Variants in LYZL6 observed in about 807,000 individuals in gnomAD.
LYZL6 encodes lysozyme-like protein 6.
Under a neutral mutation model 15.0 loss-of-function variants are expected in LYZL6, and 21 were observed. The observed-to-expected ratio is 1.40, with a 90% confidence interval of 1.00 to 2.02. The LOEUF is 2.02. LYZL6 is among the 30% of genes most tolerant of loss of function. The probability of loss-of-function intolerance (pLI) is 0.00; values close to 1 mark genes in which losing one functional copy is unlikely to be tolerated. For missense variants in LYZL6, 173 were observed against 180.5 expected, an observed-to-expected ratio of 0.96 and a Z score of 0.24; for synonymous variants, 72 against 67.8, an observed-to-expected ratio of 1.06 and a Z score of -0.31.
In LYZL6 at chr17:35,935,789, G is replaced by A. The variant is rs141179087; in HGVS notation, c.378-924C>T. On this transcript the variant is annotated intron_variant, in intron 4 of 4. Coordinates refer to ENST00000615905, the MANE Select transcript of LYZL6 (RefSeq NM_020426.4). ...AGCCTCCCAAAGGGCTGGGATTACA[G>A]GAGTGAGCCACTGCGCCCAGCCGCC... Among the ~76,000 whole-genome samples the A allele has an allele frequency of 9.7e-4, 147 of 151,236 alleles. 4 individuals are homozygous for A. In the East Asian group the frequency reaches 0.023, roughly 24 times the overall value.
At chr17:35,934,966 ATCCCCG>A in intron 4 of LYZL6, 101 bp from the exon 5 acceptor site, 1 of 1,054,508 alleles carries the variant, frequency 9.5e-7, no homozygotes, top group Non-Finnish European at 1.4e-6. Flanking sequence ...AACGCCCAGA[ATCCCCG>A]TCATTGCTAG....
At position 35,934,567 on chromosome 17, in the gene LYZL6, T is replaced by G; in HGVS notation, c.*229A>C. 1.9e-6 allele frequency: 1 copy of G among 539,120 alleles called. No homozygotes were observed. Among genetic ancestry groups the G allele is most frequent in the Admixed American group, 3.3e-5 (1 of 30,284 alleles). The allele number at this position is 539,120 out of a possible 1,614,324, so 33.4% of individuals were successfully genotyped here. A position where few individuals can be genotyped will look rare whatever the true frequency, so the allele number is the denominator to read the frequency against. The stretch of plus-strand genomic sequence containing the variant: ...TTCGATAAATATAAAGATTTCTTTA[T>G]TGTGGTCCTCAGTTTACAAATAACA... On this transcript the variant is annotated 3_prime_UTR_variant, in exon 5 of 5. Transcript: ENST00000615905.
intron 3 of LYZL6, among the ~76,000 whole-genome samples, chr17:35,937,036 A>G (rs1481467995): frequency 6.6e-6 from 1 of 152,218 alleles, no homozygotes; most frequent in Admixed American, 6.5e-5. Context: ...AGAAGGGGCA[A>G]GAGGCCTGAG....
chr17:35,939,353 T>A lies in LYZL6; in HGVS notation c.4A>T (p.Thr2Ser), dbSNP rs748028291. The A allele has an allele frequency of 7.4e-6, 12 of 1,614,070 alleles. No homozygotes were observed. The highest frequency in any genetic ancestry group is 1.0e-5 in the Non-Finnish European group (12 of 1,179,950). The change falls in exon 2 of 5, where the codon ACA (threonine) becomes TCA (serine). Residue 2 changes from threonine to serine, a missense_variant. Coordinates refer to ENST00000615905, the MANE Select transcript of LYZL6 (RefSeq NM_020426.4). ...ACCAAATAGATGAGTAGCGCCTTTG[T>A]CATCCTTGGAGGGGAGGAGGTGCAG... MTKALLIYLVSS... is the reference protein window; with the variant it reads MSKALLIYLVSS...
intron 4 of LYZL6, among the ~76,000 whole-genome samples, 193 bp from the exon 5 acceptor site, chr17:35,935,058 C>T (rs2089359406): frequency 6.6e-6 from 1 of 152,076 alleles, no homozygotes; most frequent in Non-Finnish European, 1.5e-5. Context: ...TGTTTGCCTG[C>T]TTCCCTGGAT....
In LYZL6 at chr17:35,937,756, A is replaced by G. The variant is rs766101219; in HGVS notation, c.298+2T>C. ...TCTCCCACCCTGGGGCCCTGGCCAG[A>G]CCTTGACAGTCTACGTGGCAAAGGT... On this transcript the variant is annotated splice_donor_variant, in intron 3 of 4. Coordinates refer to ENST00000615905, the MANE Select transcript of LYZL6 (RefSeq NM_020426.4). LOFTEE classifies it high-confidence loss of function. 1 of 1,613,828 alleles carries G rather than the reference A, an allele frequency of 6.2e-7. No homozygotes were observed. Among genetic ancestry groups the G allele is most frequent in the African/African-American group, 1.3e-5 (1 of 74,938 alleles).
At chr17:35,935,552 C>T (rs192175971) in intron 4 of LYZL6, among the ~76,000 whole-genome samples, 416 of 150,336 alleles carry the variant, frequency 2.8e-3, no homozygotes, top group Non-Finnish European at 3.5e-3. Context: ...TGCAGCTTGC[C>T]TTAAGGAGCA....
At chr17:35,934,921 A>C in intron 4 of LYZL6, 56 bp from the exon 5 acceptor site, 1 of 1,546,756 alleles carries the variant, frequency 6.5e-7, no homozygotes. Flanking sequence ...TTCCACACAC[A>C]TGACCCAGTT....
At chr17:35,939,126 GC>G in intron 2 of LYZL6, 91 bp downstream of exon 2, 2 of 1,457,150 alleles carry the variant, frequency 1.4e-6, no homozygotes, top group Non-Finnish European at 9.3e-7. Flanking sequence ...TTTGAACTTG[GC>G]TTTGAAAGAT....
intron 2 of LYZL6, among the ~76,000 whole-genome samples, chr17:35,938,803 G>A (rs2141967495): frequency 6.6e-6 from 1 of 152,238 alleles, no homozygotes; most frequent in Non-Finnish European, 1.5e-5. Context: ...GGGTGACCAG[G>A]TCCTTCATTT....
Position 35,940,028 on chromosome 17 carries a change from C to T in LYZL6, c.-202-470G>A, listed in dbSNP as rs573646559. On this transcript the variant is annotated intron_variant, in intron 1 of 4. Transcript: ENST00000615905. ...CATGACACATGATTTTTCCCAAGGG[C>T]ATACCCTGCCTGGTACAATTCTTGG... 5.9e-5 allele frequency among the ~76,000 whole-genome samples: 9 copies of T among 152,244 alleles called. 1 individual carries two copies. The highest frequency in any genetic ancestry group is 2.2e-4 in the African/African-American group (9 of 41,544).
At chr17:35,936,420 G>GC (rs2089373716) in intron 4 of LYZL6, among the ~76,000 whole-genome samples, 1 of 152,140 alleles carries the variant, frequency 6.6e-6, no homozygotes, top group Admixed American at 6.5e-5. Context: ...GCTGAAACCT[G>GC]CCATGGACAG....
Position 35,934,794 on chromosome 17 carries a change from T to C in LYZL6, c.*2A>G, listed in dbSNP as rs185805198. ...GACTCCACGGTGCACCCGCACCCTG[T>C]TTCATCTCAGGCGGCATCCTGTCAG... On this transcript the variant is annotated 3_prime_UTR_variant, in exon 5 of 5. Transcript: ENST00000615905. 64 of 1,614,120 alleles carry C rather than the reference T, an allele frequency of 4.0e-5. No homozygotes were observed. The East Asian group carries it at 1.4e-3, about 34-fold the overall frequency.
Position 35,937,910 on chromosome 17 carries a change from C to A in LYZL6, c.146G>T (p.Cys49Phe), listed in dbSNP as rs772258529. Residue 49 changes from cysteine (C) to phenylalanine (F), a missense_variant, in exon 3 of 5, where the codon TGC becomes TTC. By Grantham distance (205) the Cys-to-Phe change is radical. Transcript: ENST00000615905. ...GAACTTGCTTTCCACAAAAGCCAGG[C>A]ACAGCCCTTAGAGTAGGGAGAAGAA... Reference protein sequence around the residue: ...FEGYSLSDWLCLAFVESKFNI... With the variant: ...FEGYSLSDWLFLAFVESKFNI... The A allele has an allele frequency of 4.3e-6, 7 of 1,613,450 alleles. No homozygotes were observed. The African/African-American group carries it at 9.3e-5, about 22-fold the overall frequency.
chr17:35,937,328 G>A (rs989190493), intron 3 of LYZL6, among the ~76,000 whole-genome samples: 2 of 152,180 alleles, frequency 1.3e-5, no homozygotes, highest in African/African-American at 4.8e-5. Context: ...AGGGTACTCC[G>A]GAATGGTTAA....
intron 1 of LYZL6, among the ~76,000 whole-genome samples, chr17:35,942,941 A>G (rs1401297144): frequency 2.6e-5 from 4 of 152,164 alleles, no homozygotes; most frequent in Non-Finnish European, 4.4e-5. Context: ...TGTGGTCGGG[A>G]ATGGGGTGAG....
chr17:35,940,889 C>G (rs9903272), intron 1 of LYZL6, among the ~76,000 whole-genome samples: 133,738 of 152,312 alleles, frequency 0.88, 58,816 homozygotes, highest in East Asian at 1. Flanking sequence ...TGTATGAATA[C>G]ACCATACTTC....
chr17:35,936,865 C>G (rs1222072664), intron 3 of LYZL6, 32 bp from the exon 4 acceptor site: 1 of 1,585,190 alleles, frequency 6.3e-7, no homozygotes, highest in Admixed American at 1.7e-5. Context: ...CCTGTGAGGG[C>G]ACAGAAGACA....
chr17:35,934,812 C>G lies in LYZL6; in HGVS notation c.431G>C (p.Gly144Ala). The stretch of plus-strand genomic sequence containing the variant: ...CACCCTGTTTCATCTCAGGCGGCAT[C>G]CTGTCAGCCAGTAGAAGAGTGGCCG... ...SGRPLFYWLT[G>A]CRLR The change falls in exon 5 of 5, where the codon GGA (glycine) becomes GCA (alanine). Residue 144 changes from glycine (G) to alanine (A), a missense_variant. By Grantham distance (60) the Gly-to-Ala change is moderately conservative. Coordinates refer to ENST00000615905, the MANE Select transcript of LYZL6 (RefSeq NM_020426.4). 6.2e-7 allele frequency: 1 copy of G among 1,614,202 alleles called. No individual in the cohort carries two copies. The highest frequency in any genetic ancestry group is 2.2e-5 in the East Asian group (1 of 44,880).
Sources: allele counts gnomAD v4.1 joint callset (sites outside exome capture counted in the v4.1 genomes callset), GRCh38; gene constraint gnomAD v4.1.1; transcripts MANE v1.5; gene names NCBI Gene and HGNC (gene_info 2026-07-23, HGNC 2026-07-21).